Variants in APOLD1 observed in about 807,000 individuals in gnomAD.
The protein encoded by APOLD1 is apolipoprotein L domain-containing protein 1.
A neutral mutation model predicts 15.3 loss-of-function variants in APOLD1; 22 were observed. That is an observed-to-expected ratio of 1.44 (90% confidence interval 1.03 to 2.05). The LOEUF is 2.05. APOLD1 is among the 30% of genes most tolerant of loss of function. The pLI is 0.00. For synonymous variants in APOLD1, 190 were observed against 167.4 expected, an observed-to-expected ratio of 1.13 and a Z score of -1.04; for missense variants, 394 against 353.5, an observed-to-expected ratio of 1.11 and a Z score of -0.92.
intron 1 of APOLD1, among the ~76,000 whole-genome samples, chr12:12,739,491 A>G (rs901566650): frequency 6.6e-6 from 1 of 152,266 alleles, no homozygotes; most frequent in Non-Finnish European, 1.5e-5. Flanking sequence ...TTTGAAATGT[A>G]TCCTTTACTG....
chr12:12,747,073 C>T (rs1303632946), intron 1 of APOLD1, among the ~76,000 whole-genome samples: 5 of 152,088 alleles, frequency 3.3e-5, no homozygotes, highest in Admixed American at 6.6e-5. Context: ...TAGCGACTTC[C>T]GCCTTACTTT....
upstream of APOLD1, among the ~76,000 whole-genome samples, chr12:12,781,773 TG>T (rs888410964): frequency 6.6e-6 from 1 of 151,520 alleles, no homozygotes; most frequent in Non-Finnish European, 1.5e-5. Context: ...ATGATCTGCC[TG>T]CCTCGGCCTC....
chr12:12,738,073 A>C (rs1946703325), intron 1 of APOLD1, among the ~76,000 whole-genome samples: 1 of 152,186 alleles, frequency 6.6e-6, no homozygotes. Flanking sequence ...AGAACTTACA[A>C]CAAGGCCTGC....
chr12:12,755,883 G>A (rs755546902), intron 1 of APOLD1, among the ~76,000 whole-genome samples: 7 of 152,090 alleles, frequency 4.6e-5, no homozygotes, highest in African/African-American at 1.4e-4. Context: ...AAACTGCAAC[G>A]TCAATCCTTC....
chr12:12,745,104 C>T (rs1453141257), intron 1 of APOLD1, among the ~76,000 whole-genome samples: 1 of 152,120 alleles, frequency 6.6e-6, no homozygotes, highest in Non-Finnish European at 1.5e-5. Context: ...AAAGTGAATG[C>T]TTTGTGTACT....
intron 1 of APOLD1, among the ~76,000 whole-genome samples, chr12:12,763,198 T>C (rs1444210396): frequency 6.6e-6 from 1 of 152,208 alleles, no homozygotes; most frequent in Non-Finnish European, 1.5e-5. Flanking sequence ...TTTAGATATA[T>C]GTGTGCATTG....
intron 1 of APOLD1, among the ~76,000 whole-genome samples, chr12:12,748,731 G>A (rs1044233230): frequency 6.6e-6 from 1 of 151,992 alleles, no homozygotes; most frequent in African/African-American, 2.4e-5. Context: ...ATGTTTACTT[G>A]GTATTGTGGG....
At chr12:12,756,115 G>C (rs1946856181) in intron 1 of APOLD1, among the ~76,000 whole-genome samples, 1 of 152,220 alleles carries the variant, frequency 6.6e-6, no homozygotes, top group African/African-American at 2.4e-5. Context: ...TCCACTGTCA[G>C]ATGAAGGCAG....
rs766270857 is a variant in APOLD1, at chr12:12,787,080, G to C, written c.175G>C (p.Gly59Arg). The change falls in exon 2 of 2, where the codon GGC (glycine) becomes CGC (arginine). Residue 59 changes from glycine (G) to arginine (R), a missense_variant. Physicochemically the swap from Gly to Arg is moderately radical, Grantham distance 125. Transcript: ENST00000356591. The surrounding 1 kb of genome is among the most constrained non-coding windows in gnomAD (Gnocchi z 4.9). ...RRRSLVANVA[G>R]SSLSATGALA... ...GCGCTCCCTCGTAGCCAACGTGGCC[G>C]GCAGCTCGCTGAGCGCAACGGGCGC... is the stretch of plus-strand genomic sequence containing the variant. The C allele has an allele frequency of 3.9e-5, 54 of 1,393,574 alleles. No individual in the cohort carries two copies. Among genetic ancestry groups the C allele is most frequent in the African/African-American group, 9.2e-5 (6 of 65,514 alleles). The allele number at this position is 1,393,574 out of a possible 1,614,324, so 86.3% of individuals were successfully genotyped here. A position where few individuals can be genotyped will look rare whatever the true frequency, so the allele number is the denominator to read the frequency against.
rs111460959 is a variant in APOLD1 at position 12,769,044 on chromosome 12, G to A, written c.97-17865G>A. 4.2e-3 allele frequency among the ~76,000 whole-genome samples: 635 copies of A among 151,786 alleles called. 4 individuals are homozygous for A. Among genetic ancestry groups the A allele is most frequent in the Non-Finnish European group, 6.6e-3 (451 of 67,912 alleles). ...GGAGTTCAAGACCAGCTGGAGCAAC[G>A]TGGCAAAACCCCATCTTTACCAACT... On this transcript the variant is annotated intron_variant, in intron 1 of 1. Coordinates refer to the APOLD1 transcript ENST00000326765.
At position 12,786,989 on chromosome 12, in the gene APOLD1, A is replaced by G; in HGVS notation, c.84A>G (p.Arg28=). The part of the protein sequence containing the change: ...RRFQGLLLDR[R]GRLHGQVLRL... ...TCCAGGGACTGCTGCTGGACCGCCG[A>G]GGCCGGCTGCACGGCCAGGTGCTGC... is the stretch of plus-strand genomic sequence containing the variant. Residue 28 remains arginine (R), a synonymous_variant, in exon 2 of 2, where the codon CGA becomes CGG. Transcript: ENST00000356591. The G allele has an allele frequency of 7.0e-7, 1 of 1,424,886 alleles. No homozygotes were observed. The highest frequency in any genetic ancestry group is 9.1e-7 in the Non-Finnish European group (1 of 1,100,636). 88.3% of individuals were successfully genotyped at this position (1,424,886 alleles called of 1,614,324 possible). A position where few individuals can be genotyped will look rare whatever the true frequency, so the allele number is the denominator to read the frequency against.
In APOLD1 at chr12:12,786,941, T is replaced by C. The variant is rs951799390; in HGVS notation, c.36T>C (p.His12=). 42 of 1,458,648 alleles carry C rather than the reference T, an allele frequency of 2.9e-5. No homozygotes were observed. Among genetic ancestry groups the C allele is most frequent in the African/African-American group, 2.1e-4 (14 of 67,642 alleles). 90.4% of individuals were successfully genotyped at this position (1,458,648 alleles called of 1,614,324 possible). ...AGAGGCCGGCGGCCCGGGAGCCGCA[T>C]GGGCCCGACGCGCTGCGGCGCTTCC... The part of the protein sequence containing the change: ...GMERPAAREP[H]GPDALRRFQG... The change falls in exon 2 of 2, where the codon CAT becomes CAC. Residue 12 remains histidine, a synonymous_variant. Transcript: ENST00000356591.
At chr12:12,772,054 G>C (rs932840302) in intron 1 of APOLD1, among the ~76,000 whole-genome samples, 1 of 151,968 alleles carries the variant, frequency 6.6e-6, no homozygotes, top group Non-Finnish European at 1.5e-5. Context: ...AAAGGCAAAA[G>C]AGAAAAAGAG....
chr12:12,745,688 T>A (rs1946760204), intron 1 of APOLD1, among the ~76,000 whole-genome samples: 1 of 151,952 alleles, frequency 6.6e-6, no homozygotes, highest in Admixed American at 6.6e-5. Context: ...CACGTTGAAT[T>A]TGTGGTAGAT....
At chr12:12,773,641 G>C (rs944355314) in intron 1 of APOLD1, among the ~76,000 whole-genome samples, 18 of 152,196 alleles carry the variant, frequency 1.2e-4, no homozygotes, top group Admixed American at 9.8e-4. Context: ...ATCAAAATCT[G>C]GTTCTTTGAA....
chr12:12,779,511 C>G (rs1303121791), intron 1 of APOLD1, among the ~76,000 whole-genome samples: 1 of 152,132 alleles, frequency 6.6e-6, no homozygotes, highest in East Asian at 1.9e-4. Flanking sequence ...ATGGGTTCTT[C>G]TGGAAAGCAA....
At chr12:12,786,488 T>C (rs1947125359) in intron 1 of APOLD1, among the ~76,000 whole-genome samples, 1 of 152,114 alleles carries the variant, frequency 6.6e-6, no homozygotes, top group South Asian at 2.1e-4. Flanking sequence ...AATTTTCACA[T>C]GATGAAAGGG....
rs547772868 is a variant in APOLD1 at position 12,759,256 on chromosome 12, G to GTT, written c.97-27646_97-27645dup. Among the ~76,000 whole-genome samples, 508 of 152,114 alleles carry GTT rather than the reference G, an allele frequency of 3.3e-3. 1 individual carries two copies. The highest frequency in any genetic ancestry group is 9.1e-3 in the Admixed American group (139 of 15,282). ...TAGAGAAAGGGGAGCTGCTATAGTT[G>GTT]TTTTTTTTAAACCATTATGAACACA... On this transcript the variant is annotated intron_variant, in intron 1 of 1. Coordinates refer to the APOLD1 transcript ENST00000326765.
At chr12:12,745,019 T>C (rs1306494308) in intron 1 of APOLD1, among the ~76,000 whole-genome samples, 1 of 152,206 alleles carries the variant, frequency 6.6e-6, no homozygotes, top group Non-Finnish European at 1.5e-5. Context: ...TTGAATTTAT[T>C]GTTTTATGCC....
Sources: gnomAD v4.1 joint callset for allele counts (sites outside exome capture counted in the v4.1 genomes callset) on GRCh38, gnomAD v4.1.1 for gene constraint, Gnocchi (gnomAD v3.1) non-coding constraint, MANE v1.5 for transcripts, NCBI Gene and HGNC (gene_info 2026-07-23, HGNC 2026-07-21) for gene names.